Variants in ZFAND3 observed in about 807,000 individuals in gnomAD.
The protein encoded by ZFAND3 is zinc finger AN1-type containing 3.
Under a neutral mutation model 29.6 loss-of-function variants are expected in ZFAND3, and 10 were observed. The observed-to-expected ratio is 0.34, with a 90% CI of 0.21 to 0.57. The LOEUF (loss-of-function observed/expected upper bound fraction) is 0.57, where lower values mean the gene tolerates loss of function less well. ZFAND3 is among the 20% of genes least tolerant of loss of function. The pLI, the probability that ZFAND3 is intolerant of heterozygous loss-of-function variation, is 0.86. For synonymous variants in ZFAND3, 128 were observed against 112.6 expected, an observed-to-expected ratio of 1.14 and a Z score of -0.87; for missense variants, 230 against 304.5, an observed-to-expected ratio of 0.76 and a Z score of 1.82.
intron 2 of ZFAND3, among the ~76,000 whole-genome samples, chr6:37,997,915 T>G (rs1457140796): frequency 6.6e-6 from 1 of 152,148 alleles, no homozygotes; most frequent in Non-Finnish European, 1.5e-5. Context: ...CTTCAGTGGA[T>G]AGGTAGCAGA....
chr6:38,144,229 A>ATTTTTTTTT (rs1436513843), intron 5 of ZFAND3, among the ~76,000 whole-genome samples: 1 of 116,934 alleles, frequency 8.6e-6, no homozygotes, highest in Non-Finnish European at 1.7e-5. Context: ...ATATATATAT[A>ATTTTTTTTT]TATTTTTTTT....
intron 1 of ZFAND3, among the ~76,000 whole-genome samples, chr6:37,825,071 A>C (rs540904031): frequency 6.6e-6 from 1 of 152,354 alleles, no homozygotes; most frequent in East Asian, 1.9e-4. Context: ...ATTGCTGTCA[A>C]ACATCACCTT....
intron 5 of ZFAND3, among the ~76,000 whole-genome samples, chr6:38,128,540 A>C (rs1042172503): frequency 8.6e-5 from 13 of 151,722 alleles, no homozygotes; most frequent in African/African-American, 3.2e-4. Flanking sequence ...ATCCCTTTGC[A>C]TCCTCATAGC....
chr6:37,857,684 T>C (rs1764410096), intron 1 of ZFAND3, among the ~76,000 whole-genome samples: 1 of 152,224 alleles, frequency 6.6e-6, no homozygotes, highest in South Asian at 2.1e-4. Flanking sequence ...GAGATTATTA[T>C]GGATTTTTAC....
intron 2 of ZFAND3, among the ~76,000 whole-genome samples, chr6:37,990,456 C>T (rs1227029995): frequency 6.6e-6 from 1 of 152,116 alleles, no homozygotes; most frequent in African/African-American, 2.4e-5. Flanking sequence ...TAATTGAAAC[C>T]TGGCAAGTGC....
chr6:37,985,214 T>C (rs1001758985), intron 2 of ZFAND3, among the ~76,000 whole-genome samples: 26 of 152,280 alleles, frequency 1.7e-4, no homozygotes, highest in African/African-American at 5.8e-4. Flanking sequence ...TCACGGCTTC[T>C]TAGGAGGCTG....
chr6:38,133,231 T>C (rs937910239), intron 5 of ZFAND3, among the ~76,000 whole-genome samples: 1 of 152,246 alleles, frequency 6.6e-6, no homozygotes, highest in African/African-American at 2.4e-5. Flanking sequence ...ATGTCTGTCC[T>C]TTCTCCAGAC....
At chr6:38,060,181 T>C (rs991716289) in intron 2 of ZFAND3, among the ~76,000 whole-genome samples, 6 of 152,154 alleles carry the variant, frequency 3.9e-5, no homozygotes, top group African/African-American at 1.4e-4. Flanking sequence ...CTGTGGAACC[T>C]GAGTATATGC....
At chr6:38,116,295 A>T (rs1265464698) in intron 4 of ZFAND3, among the ~76,000 whole-genome samples, 1 of 152,170 alleles carries the variant, frequency 6.6e-6, no homozygotes, top group Non-Finnish European at 1.5e-5. Context: ...ATAGAATCTC[A>T]GCTCTTTTTA....
chr6:37,942,441 C>G (rs1361306122), intron 2 of ZFAND3, among the ~76,000 whole-genome samples: 1 of 151,996 alleles, frequency 6.6e-6, no homozygotes, highest in African/African-American at 2.4e-5. Flanking sequence ...GAATATTGAA[C>G]CAATGGCTGC....
At chr6:38,038,637 T>C (rs1378347574) in intron 2 of ZFAND3, among the ~76,000 whole-genome samples, 1 of 152,110 alleles carries the variant, frequency 6.6e-6, no homozygotes. Flanking sequence ...TGGTGCTTTA[T>C]TTTATTTTTT....
chr6:37,873,921 G>A (rs1764745533), intron 1 of ZFAND3, among the ~76,000 whole-genome samples: 1 of 152,134 alleles, frequency 6.6e-6, no homozygotes, highest in South Asian at 2.1e-4. Context: ...TAATTTTCAC[G>A]TCTCAGAATA....
intron 2 of ZFAND3, among the ~76,000 whole-genome samples, chr6:38,041,619 TTTTATCTAC>T (rs1384222018): frequency 3.1e-5 from 4 of 130,744 alleles, no homozygotes; most frequent in East Asian, 2.0e-4. Context: ...ACCACTGTTT[TTTTATCTAC>T]TTTTTCTTCT....
chr6:38,020,752 C>T (rs1683080544), intron 2 of ZFAND3, among the ~76,000 whole-genome samples: 1 of 152,182 alleles, frequency 6.6e-6, no homozygotes, highest in South Asian at 2.1e-4. Flanking sequence ...GCCAGAATCA[C>T]TTCAGGCTGA....
intron 2 of ZFAND3, among the ~76,000 whole-genome samples, chr6:37,960,632 A>G (rs1185458152): frequency 6.6e-6 from 1 of 152,218 alleles, no homozygotes; most frequent in Non-Finnish European, 1.5e-5. Context: ...TAAAGGGAAT[A>G]AAGGGAAGTT....
At chr6:37,896,485 G>A (rs943163868) in intron 1 of ZFAND3, among the ~76,000 whole-genome samples, 2 of 147,006 alleles carry the variant, frequency 1.4e-5, no homozygotes, top group Admixed American at 1.3e-4. Context: ...TCATGAATGA[G>A]GCTGGTGTCT....
chr6:37,936,640 G>T (rs1207842272), intron 2 of ZFAND3, among the ~76,000 whole-genome samples: 1 of 152,204 alleles, frequency 6.6e-6, no homozygotes, highest in Admixed American at 6.5e-5. Context: ...ATGAGATAAA[G>T]CTGGAAGATG....
chr6:38,051,110 G>A (rs1243040946), intron 2 of ZFAND3, among the ~76,000 whole-genome samples: 1 of 152,130 alleles, frequency 6.6e-6, no homozygotes, highest in Admixed American at 6.5e-5. Context: ...CAGATTGTAA[G>A]AGCATACATA....
chr6:38,150,156 G>A (rs1766191655), intron 5 of ZFAND3, among the ~76,000 whole-genome samples: 1 of 152,148 alleles, frequency 6.6e-6, no homozygotes, highest in South Asian at 2.1e-4. Context: ...AAGACAACTG[G>A]TATCCAATAT....
Sources: allele counts gnomAD v4.1 joint callset (sites outside exome capture counted in the v4.1 genomes callset), GRCh38; gene constraint gnomAD v4.1.1; transcripts MANE v1.5; gene names NCBI Gene and HGNC (gene_info 2026-07-23, HGNC 2026-07-21).